Variants in RAB3GAP1 observed in about 807,000 individuals in gnomAD.
RAB3GAP1 encodes the protein RAB3 GTPase activating protein catalytic subunit 1, also known as rab3 GTPase-activating protein catalytic subunit.
RAB3GAP1 carries 86 observed loss-of-function variants against 130.7 expected under a neutral mutation model. The observed-to-expected ratio is 0.66, with a 90% CI of 0.55 to 0.79. The LOEUF (loss-of-function observed/expected upper bound fraction) is 0.79, where lower values mean the gene tolerates loss of function less well. RAB3GAP1 is among the 30% of genes least tolerant of loss of function. RAB3GAP1 has a pLI of 0.00. For synonymous variants in RAB3GAP1, 367 were observed against 401.7 expected (o/e 0.91, Z 1.03); for missense variants, 1,029 against 1,169.4 (o/e 0.88, Z 1.75).
intron 5 of RAB3GAP1, among the ~76,000 whole-genome samples, chr2:135,098,123 T>C (rs1292476254): frequency 4.6e-5 from 7 of 152,192 alleles, no homozygotes; most frequent in Admixed American, 4.6e-4. Context: ...TTCGTGTGTT[T>C]ATTTGTCCAT....
At position 135,162,968 on chromosome 2, in the gene RAB3GAP1, T is replaced by G. The variant is rs780698034; in HGVS notation, c.2491-18T>G. ...TTTGCCATCTCGCAATGTATGCCTC[T>G]TCCTTTTCTACCGCCAGGAAATCAT... On this transcript the variant is annotated intron_variant, in intron 21 of 23. Transcript: ENST00000264158. 4 of 1,602,058 alleles carry G rather than the reference T, an allele frequency of 2.5e-6. No homozygotes were observed. The highest frequency in any genetic ancestry group is 3.4e-6 in the Non-Finnish European group (4 of 1,169,150).
Position 135,091,066 on chromosome 2 carries a change from A to G in RAB3GAP1, c.219A>G (p.Ser73=). The stretch of plus-strand genomic sequence containing the variant: ...TTTCCTTTGCTGACTTCAAGTTCTC[A>G]GTCACTCATCATTATCTTGTACAAG... ...DEISFADFKF[S]VTHHYLVQES... The change falls in exon 4 of 24, where the codon TCA becomes TCG. Residue 73 remains serine, a synonymous_variant. Coordinates refer to ENST00000264158, the MANE Select transcript of RAB3GAP1 (RefSeq NM_012233.3). 1.9e-6 allele frequency: 3 copies of G among 1,607,366 alleles called. No homozygotes were observed. The highest frequency in any genetic ancestry group is 2.6e-6 in the Non-Finnish European group (3 of 1,174,060).
intron 5 of RAB3GAP1, 126 bp from the exon 6 acceptor site, chr2:135,113,025 G>T: frequency 7.5e-7 from 1 of 1,339,122 alleles, no homozygotes; most frequent in Admixed American, 1.8e-5. Context: ...GCCATTAAAA[G>T]AAACACTTTT....
intron 17 of RAB3GAP1, among the ~76,000 whole-genome samples, chr2:135,150,112 T>C (rs1692131131): frequency 6.6e-6 from 1 of 152,226 alleles, no homozygotes; most frequent in African/African-American, 2.4e-5. Context: ...CAAATTCCTC[T>C]GTCTTTTACT....
chr2:135,106,328 G>T (rs914648583), intron 5 of RAB3GAP1, among the ~76,000 whole-genome samples: 2 of 152,238 alleles, frequency 1.3e-5, no homozygotes, highest in Admixed American at 6.5e-5. Flanking sequence ...GGGGAAATGT[G>T]GGGAAACGAT....
At chr2:135,090,800 G>A (rs1558770870) in intron 3 of RAB3GAP1, among the ~76,000 whole-genome samples, 198 bp from the exon 4 acceptor site, 4 of 152,016 alleles carry the variant, frequency 2.6e-5, no homozygotes, top group African/African-American at 9.7e-5. Context: ...TATTCTAGGA[G>A]AAATTTCTTT....
intron 11 of RAB3GAP1, among the ~76,000 whole-genome samples, chr2:135,127,151 A>G (rs189079921): frequency 6.7e-6 from 1 of 148,956 alleles, no homozygotes; most frequent in East Asian, 2.0e-4. Flanking sequence ...CTGAGATTAC[A>G]GGCATGAGCC....
At chr2:135,101,447 C>T (rs1690446932) in intron 5 of RAB3GAP1, among the ~76,000 whole-genome samples, 1 of 152,146 alleles carries the variant, frequency 6.6e-6, no homozygotes, top group South Asian at 2.1e-4. Flanking sequence ...TATAGGTTGA[C>T]CCTGTCAGAG....
intron 22 of RAB3GAP1, among the ~76,000 whole-genome samples, chr2:135,164,068 G>A (rs908421390): frequency 1.3e-5 from 2 of 152,158 alleles, no homozygotes; most frequent in African/African-American, 4.8e-5. Context: ...TCCACCATAC[G>A]TTATCTGTGA....
At chr2:135,085,226 T>G (rs892787009) in intron 3 of RAB3GAP1, among the ~76,000 whole-genome samples, 1 of 152,206 alleles carries the variant, frequency 6.6e-6, no homozygotes, top group African/African-American at 2.4e-5. Context: ...TCTAATTATG[T>G]TACATTTTTA....
At chr2:135,175,956 A>G (rs1197057064) in intron 24 of RAB3GAP1, among the ~76,000 whole-genome samples, 2 of 152,334 alleles carry the variant, frequency 1.3e-5, no homozygotes, top group East Asian at 3.9e-4. Context: ...TTGTTATATT[A>G]TTTTGGTAAC....
At chr2:135,081,783 C>CT (rs1178513417) in intron 3 of RAB3GAP1, among the ~76,000 whole-genome samples, 10 of 151,966 alleles carry the variant, frequency 6.6e-5, no homozygotes, top group African/African-American at 2.4e-4. Context: ...CGCCTGGGTT[C>CT]TTTTAAGACA....
At chr2:135,108,787 A>G (rs1409776934) in intron 5 of RAB3GAP1, among the ~76,000 whole-genome samples, 3 of 152,138 alleles carry the variant, frequency 2.0e-5, no homozygotes, top group Admixed American at 1.3e-4. Context: ...TCTAGATTTT[A>G]TTCTGTGTTC....
intron 9 of RAB3GAP1, 141 bp downstream of exon 9, chr2:135,124,387 G>A: frequency 1.1e-6 from 1 of 937,666 alleles, no homozygotes; most frequent in Admixed American, 2.0e-5. Context: ...GTACACCTGG[G>A]CTGGGCACAG....
chr2:135,072,268 A>G (rs777059542), intron 3 of RAB3GAP1, among the ~76,000 whole-genome samples: 3 of 152,228 alleles, frequency 2.0e-5, no homozygotes, highest in Admixed American at 6.5e-5. Context: ...ATGTTAAGAC[A>G]TAACTAGCAT....
rs1162984553 is a variant in RAB3GAP1 at position 135,146,922 on chromosome 2, G to T, written c.1924-3447G>T. On this transcript the variant is annotated intron_variant, in intron 17 of 23. Coordinates refer to ENST00000264158, the MANE Select transcript of RAB3GAP1 (RefSeq NM_012233.3). ...ATGGGCATAAGGAAATTTCTGAGGT[G>T]ATGAATACATTCAGTATGTTGATTA... Among the ~76,000 whole-genome samples the T allele has an allele frequency of 2.0e-5, 3 of 152,086 alleles. No homozygotes were observed. The East Asian group carries it at 5.8e-4, about 29-fold the overall frequency.
intron 11 of RAB3GAP1, among the ~76,000 whole-genome samples, chr2:135,128,987 C>T (rs1425498381): frequency 6.6e-6 from 1 of 152,000 alleles, no homozygotes; most frequent in African/African-American, 2.4e-5. Flanking sequence ...CTCGTCTCTA[C>T]AAAAAATACA....
intron 17 of RAB3GAP1, among the ~76,000 whole-genome samples, chr2:135,147,306 G>A (rs189011514): frequency 3.3e-5 from 5 of 149,962 alleles, no homozygotes; most frequent in Admixed American, 6.6e-5. Flanking sequence ...AGATCGCACC[G>A]CTGCACTTCA....
chr2:135,162,955 C>T, intron 21 of RAB3GAP1, 31 bp from the exon 22 acceptor site: 1 of 1,588,898 alleles, frequency 6.3e-7, no homozygotes, highest in Non-Finnish European at 8.6e-7. Context: ...TGCCATCTCG[C>T]AATGTATGCC....
Sources: gnomAD v4.1 joint callset for allele counts (sites outside exome capture counted in the v4.1 genomes callset) on GRCh38, gnomAD v4.1.1 for gene constraint, MANE v1.5 for transcripts, NCBI Gene and HGNC (gene_info 2026-07-23, HGNC 2026-07-21) for gene names.